The following TTC28 variants were observed in gnomAD, a reference collection of about 807,000 sequenced individuals.
TTC28 encodes tetratricopeptide repeat protein 28.
A neutral mutation model predicts 198.0 loss-of-function variants in TTC28; 61 were observed. That is an observed-to-expected ratio of 0.31 (90% CI 0.25 to 0.38). The LOEUF is 0.38. Among genes scored for constraint, TTC28 ranks in the 10% least tolerant of loss-of-function variants. The probability of loss-of-function intolerance (pLI) is 1.00; values close to 1 mark genes in which losing one functional copy is unlikely to be tolerated. For missense variants in TTC28, 2,678 were observed against 3,164.0 expected, an observed-to-expected ratio of 0.85 and a Z score of 3.69; for synonymous variants, 1,171 against 1,297.8, an observed-to-expected ratio of 0.90 and a Z score of 2.10.
chr22:28,182,014 T>C (rs1297573242), intron 5 of TTC28, among the ~76,000 whole-genome samples: 1 of 152,240 alleles, frequency 6.6e-6, no homozygotes, highest in African/African-American at 2.4e-5. Context: ...TGAGAACTTC[T>C]GGCTTCCATC....
Position 27,996,122 on chromosome 22 carries a change from C to T in TTC28, c.5244+13G>A. On this transcript the variant is annotated intron_variant, in intron 17 of 22. Transcript: ENST00000397906. ...CCAGCTCTCGTTGAGTGCAGGGTGCCCGACCCCCTTACCAGGTGCAGCAGC... is the reference window on the plus strand; with the variant it reads ...CCAGCTCTCGTTGAGTGCAGGGTGCTCGACCCCCTTACCAGGTGCAGCAGC... 6.5e-7 allele frequency: 1 copy of T among 1,545,786 alleles called. No individual in the cohort carries two copies. The highest frequency in any genetic ancestry group is 2.0e-5 in the Admixed American group (1 of 50,918).
At chr22:28,016,761 G>A (rs117604001) in intron 13 of TTC28, among the ~76,000 whole-genome samples, 1 of 152,280 alleles carries the variant, frequency 6.6e-6, no homozygotes, top group East Asian at 1.9e-4. Flanking sequence ...GAGTTCTCAG[G>A]ACAGCCCCAG....
rs60418495 is a variant in TTC28, at chr22:28,115,268, C to T, written c.1442-6865G>A. 8.1e-3 allele frequency among the ~76,000 whole-genome samples: 1,228 copies of T among 152,266 alleles called. 20 individuals carry two copies. Among genetic ancestry groups the T allele is most frequent in the African/African-American group, 0.028 (1,170 of 41,560 alleles). ...CATGACCTCCCGGGCTCAAGTGATC[C>T]TCCCACCTCAGCCTCCCAAGTAGCT... is the stretch of plus-strand genomic sequence containing the variant. On this transcript the variant is annotated intron_variant, in intron 6 of 22. Coordinates refer to ENST00000397906, the MANE Select transcript of TTC28 (RefSeq NM_001145418.2).
chr22:28,116,457 G>A (rs989024774), intron 6 of TTC28, among the ~76,000 whole-genome samples: 5 of 152,214 alleles, frequency 3.3e-5, no homozygotes, highest in African/African-American at 1.2e-4. Flanking sequence ...CATCTCTAAA[G>A]GCTATGGCCG....
At position 28,287,812 on chromosome 22, in the gene TTC28, C is replaced by T. The variant is rs144545637; in HGVS notation, c.933+8386G>A. 3.8e-3 allele frequency among the ~76,000 whole-genome samples: 578 copies of T among 152,162 alleles called. 6 individuals carry two copies. The highest frequency in any genetic ancestry group is 0.014 in the Middle Eastern group (4 of 292). ...TCAGAACTAAATTTTAGAAGGATAA[C>T]TCAAAGAGCTTATAGAAGATGGACT... On this transcript the variant is annotated intron_variant, in intron 5 of 22. Coordinates refer to ENST00000397906, the MANE Select transcript of TTC28 (RefSeq NM_001145418.2).
chr22:28,675,923 A>G (rs2051979013), intron 1 of TTC28, among the ~76,000 whole-genome samples: 1 of 152,000 alleles, frequency 6.6e-6, no homozygotes, highest in African/African-American at 2.4e-5. Flanking sequence ...CTTATCTACA[A>G]AAAATTTTTA....
intron 5 of TTC28, among the ~76,000 whole-genome samples, chr22:28,191,977 G>A (rs570537307): frequency 2.2e-4 from 33 of 152,308 alleles, no homozygotes; most frequent in Non-Finnish European, 3.8e-4. Context: ...ATCTGAGAAC[G>A]GACAGACTGC....
At chr22:28,035,582 A>G (rs1209262403) in intron 12 of TTC28, among the ~76,000 whole-genome samples, 1 of 152,172 alleles carries the variant, frequency 6.6e-6, no homozygotes, top group Non-Finnish European at 1.5e-5. Context: ...TGACAATACC[A>G]TGGGCACTTA....
At chr22:28,467,415 C>T (rs984450476) in intron 2 of TTC28, among the ~76,000 whole-genome samples, 1 of 152,096 alleles carries the variant, frequency 6.6e-6, no homozygotes, top group Non-Finnish European at 1.5e-5. Flanking sequence ...CAAAATGAGA[C>T]CCTGTCTCAA....
intron 5 of TTC28, among the ~76,000 whole-genome samples, chr22:28,164,534 G>C (rs1921657127): frequency 6.6e-6 from 1 of 152,120 alleles, no homozygotes; most frequent in African/African-American, 2.4e-5. Context: ...AGGCAAACAG[G>C]GTCTGGAGTG....
At chr22:28,295,009 C>A (rs1031698005) in intron 5 of TTC28, among the ~76,000 whole-genome samples, 2 of 152,188 alleles carry the variant, frequency 1.3e-5, no homozygotes, top group Non-Finnish European at 1.5e-5. Flanking sequence ...TCTCATTTCA[C>A]TCCCTGAACA....
At position 28,546,421 on chromosome 22, in the gene TTC28, G is replaced by A. The variant is rs183351978; in HGVS notation, c.381+83131C>T. ...AGAGGGCACCAATGCACTCCAGCCT[G>A]GGTGACAGAGCAAAATTCCTCTCAA... is the stretch of plus-strand genomic sequence containing the variant. On this transcript the variant is annotated intron_variant, in intron 2 of 22. Transcript: ENST00000397906. Among the ~76,000 whole-genome samples the A allele has an allele frequency of 1.6e-4, 25 of 152,308 alleles. No homozygotes were observed. The East Asian group carries it at 4.8e-3, about 29-fold the overall frequency.
chr22:28,575,835 G>A (rs1437000754), intron 2 of TTC28, among the ~76,000 whole-genome samples: 3 of 152,064 alleles, frequency 2.0e-5, no homozygotes, highest in Admixed American at 1.3e-4. Context: ...AAATGTTACT[G>A]ATTTTTGTAT....
At chr22:28,252,778 C>A (rs78097823) in intron 5 of TTC28, among the ~76,000 whole-genome samples, 1 of 152,254 alleles carries the variant, frequency 6.6e-6, no homozygotes, top group Middle Eastern at 3.4e-3. Flanking sequence ...TGCCACTCCC[C>A]CAGTGAGAGT....
At chr22:28,390,190 G>C (rs2046691799) in intron 2 of TTC28, among the ~76,000 whole-genome samples, 1 of 152,190 alleles carries the variant, frequency 6.6e-6, no homozygotes. Context: ...TAATTTGATT[G>C]CACTGTGGTC....
chr22:28,468,465 T>C (rs1183853740), intron 2 of TTC28, among the ~76,000 whole-genome samples: 1 of 152,094 alleles, frequency 6.6e-6, no homozygotes, highest in African/African-American at 2.4e-5. Context: ...CAGGTTATCA[T>C]TTCTTTTCTT....
intron 2 of TTC28, among the ~76,000 whole-genome samples, chr22:28,314,758 A>T (rs1020780061): frequency 6.6e-6 from 1 of 152,170 alleles, no homozygotes; most frequent in Non-Finnish European, 1.5e-5. Context: ...CTGTAGTCCT[A>T]GCTACTTGGG....
chr22:28,280,872 G>A (rs958688569), intron 5 of TTC28, among the ~76,000 whole-genome samples: 8 of 151,884 alleles, frequency 5.3e-5, no homozygotes, highest in Non-Finnish European at 1.0e-4. Context: ...TTGAATTCTG[G>A]GGTTGACAGA....
intron 12 of TTC28, among the ~76,000 whole-genome samples, chr22:28,080,642 A>C (rs1291483027): frequency 6.6e-6 from 1 of 152,176 alleles, no homozygotes; most frequent in Non-Finnish European, 1.5e-5. Context: ...CTGCCTTTTC[A>C]AAATGTTAAT....
Sources: allele counts gnomAD v4.1 joint callset (sites outside exome capture counted in the v4.1 genomes callset), GRCh38; gene constraint gnomAD v4.1.1; transcripts MANE v1.5; gene names NCBI Gene and HGNC (gene_info 2026-07-23, HGNC 2026-07-21).